Variants in TMPRSS11F observed in about 807,000 individuals in gnomAD.
The protein encoded by TMPRSS11F is transmembrane protease serine 11F.
A neutral mutation model predicts 60.2 loss-of-function variants in TMPRSS11F; 47 were observed. That is an observed-to-expected ratio of 0.78 (90% CI 0.62 to 1.00). TMPRSS11F has a LOEUF of 1.00. Among genes scored for constraint, TMPRSS11F ranks in the 50% least tolerant of loss-of-function variants. TMPRSS11F has a pLI of 0.00. For missense variants in TMPRSS11F, 519 were observed against 522.9 expected (o/e 0.99, Z 0.07); for synonymous variants, 166 against 167.3 (o/e 0.99, Z 0.06).
intron 4 of TMPRSS11F, 77 bp downstream of exon 4, chr4:68,073,865 G>A: frequency 1.2e-6 from 1 of 868,286 alleles, no homozygotes; most frequent in South Asian, 1.6e-5. Context: ...ACTTGCTCAG[G>A]GCAGCTAAGC....
chr4:68,056,768 T>C (rs990183740), intron 9 of TMPRSS11F, among the ~76,000 whole-genome samples: 1 of 152,172 alleles, frequency 6.6e-6, no homozygotes, highest in South Asian at 2.1e-4. Flanking sequence ...ACAGGCCTTA[T>C]ACTACCTGGT....
At chr4:68,066,568 A>G (rs191425173) in intron 7 of TMPRSS11F, among the ~76,000 whole-genome samples, 3 of 152,336 alleles carry the variant, frequency 2.0e-5, no homozygotes, top group African/African-American at 2.4e-5. Flanking sequence ...ATCATTTTTC[A>G]TAGACATAAA....
At chr4:68,062,251 CTAAAT>C (rs1486975120) in intron 8 of TMPRSS11F, 1 of 414,824 alleles carries the variant, frequency 2.4e-6, no homozygotes, top group Non-Finnish European at 4.6e-6. Context: ...GGCTCTTTTG[CTAAAT>C]TAAAATTAAC....
chr4:68,061,361 T>C (rs548907176), intron 8 of TMPRSS11F, among the ~76,000 whole-genome samples: 1 of 152,162 alleles, frequency 6.6e-6, no homozygotes, highest in Non-Finnish European at 1.5e-5. Context: ...CAAGATAACA[T>C]CATGTTGAAG....
In TMPRSS11F at chr4:68,072,339, T is replaced by G. The variant is rs1404745574; in HGVS notation, c.498A>C (p.Pro166=). Residue 166 remains proline (P), a synonymous_variant, in exon 5 of 10, where the codon CCA becomes CCC. Transcript: ENST00000356291. ...TKQLSLTINK[P]SFRLTPIDSK... is the part of the protein sequence containing the mutation. Reference sequence around the variant, plus strand: ...AAGACTTACGTGTGAGTCTAAATGATGGTTTGTTTATGGTCAAAGACAATT... The same window carrying G: ...AAGACTTACGTGTGAGTCTAAATGAGGGTTTGTTTATGGTCAAAGACAATT... 6.3e-7 allele frequency: 1 copy of G among 1,579,006 alleles called. No homozygotes were observed.
At chr4:68,089,885 C>T (rs1723888374) in intron 3 of TMPRSS11F, among the ~76,000 whole-genome samples, 1 of 152,044 alleles carries the variant, frequency 6.6e-6, no homozygotes, top group Non-Finnish European at 1.5e-5. Flanking sequence ...TAAAAGACTA[C>T]AATCCAAGCT....
At chr4:68,094,997 A>G (rs1349438497) in intron 2 of TMPRSS11F, among the ~76,000 whole-genome samples, 1 of 152,058 alleles carries the variant, frequency 6.6e-6, no homozygotes, top group African/African-American at 2.4e-5. Context: ...AACAAACACA[A>G]AAAATACTGA....
chr4:68,075,277 C>T (rs543173804), intron 3 of TMPRSS11F, among the ~76,000 whole-genome samples: 2 of 152,294 alleles, frequency 1.3e-5, no homozygotes, highest in South Asian at 4.1e-4. Context: ...TGTATTTGGG[C>T]CTTTGCAGCA....
chr4:68,061,589 C>T (rs542355816), intron 8 of TMPRSS11F, among the ~76,000 whole-genome samples: 10 of 152,246 alleles, frequency 6.6e-5, no homozygotes, highest in Non-Finnish European at 1.5e-4. Context: ...ACTAAATACT[C>T]AGAGCAGAAA....
chr4:68,073,622 G>T (rs999358015), intron 4 of TMPRSS11F, among the ~76,000 whole-genome samples: 10 of 152,178 alleles, frequency 6.6e-5, no homozygotes, highest in Admixed American at 2.0e-4. Context: ...GGCTTAAAAT[G>T]AGGAAAATGA....
intron 3 of TMPRSS11F, among the ~76,000 whole-genome samples, chr4:68,083,003 G>A (rs1331120743): frequency 1.3e-5 from 2 of 152,192 alleles, no homozygotes. Flanking sequence ...GGAAACTTGG[G>A]TGAGGGAGAA....
At chr4:68,072,250 T>TATATA (rs537020566) in intron 5 of TMPRSS11F, 73 bp downstream of exon 5, 30 of 224,070 alleles carry the variant, frequency 1.3e-4, no homozygotes, top group Non-Finnish European at 2.0e-4. Context: ...TATATATATA[T>TATATA]TGCTTACAAA....
intron 5 of TMPRSS11F, 62 bp downstream of exon 5, chr4:68,072,261 A>ATATATATATATATATATATAT: frequency 1.7e-6 from 1 of 588,710 alleles, no homozygotes; most frequent in African/African-American, 2.0e-5. Flanking sequence ...TGCTTACAAA[A>ATATATATATATATATATATAT]ATTAAAGAGG....
chr4:68,061,142 GATTA>G (rs1293547499), intron 8 of TMPRSS11F, among the ~76,000 whole-genome samples: 16 of 152,236 alleles, frequency 1.1e-4, no homozygotes, highest in Non-Finnish European at 1.5e-4. Flanking sequence ...TAATATTCCT[GATTA>G]ATTAGAGTTT....
In TMPRSS11F at chr4:68,099,050, G is replaced by C. The variant is rs12503814; in HGVS notation, c.12-12C>G. ...AAAATTCAACAGGTCTGTGATAACAGAAAGAAAATAGAGACAATAAAAATT... is the reference window on the plus strand; with the variant it reads ...AAAATTCAACAGGTCTGTGATAACACAAAGAAAATAGAGACAATAAAAATT... On this transcript the variant is annotated splice_polypyrimidine_tract_variant and intron_variant, in intron 1 of 9. Transcript: ENST00000356291. 341,025 of 1,599,364 alleles carry C rather than the reference G, an allele frequency of 0.21. 39,345 individuals carry two copies. Among genetic ancestry groups the C allele is most frequent in the Admixed American group, 0.44 (25,363 of 57,880 alleles).
intron 2 of TMPRSS11F, among the ~76,000 whole-genome samples, chr4:68,091,809 T>A (rs1182221298): frequency 1.4e-5 from 2 of 146,262 alleles, no homozygotes; most frequent in Non-Finnish European, 3.0e-5. Flanking sequence ...CTTTTTGAGA[T>A]GGAGTCTCAC....
intron 1 of TMPRSS11F, among the ~76,000 whole-genome samples, chr4:68,121,822 G>A (rs1365409554): frequency 1.3e-5 from 2 of 152,128 alleles, no homozygotes; most frequent in East Asian, 3.9e-4. Context: ...AAATTAACAT[G>A]TCCCAGAATC....
chr4:68,080,640 A>G (rs1290985225), intron 3 of TMPRSS11F: 1 of 152,248 alleles, frequency 6.6e-6, no homozygotes, highest in East Asian at 1.9e-4. Context: ...CAGATCTCCC[A>G]GAGAAATCAT....
chr4:68,054,135 C>G, intron 9 of TMPRSS11F, 68 bp from the exon 10 acceptor site: 4 of 1,453,186 alleles, frequency 2.8e-6, no homozygotes, highest in Non-Finnish European at 3.8e-6. Flanking sequence ...TGTAATCTGA[C>G]GTTCACAGAG....
Sources: allele counts gnomAD v4.1 joint callset (sites outside exome capture counted in the v4.1 genomes callset), GRCh38; gene constraint gnomAD v4.1.1; transcripts MANE v1.5; gene names NCBI Gene and HGNC (gene_info 2026-07-23, HGNC 2026-07-21).